Variants in DNER observed in about 807,000 individuals in gnomAD.
DNER encodes the protein delta/notch like EGF repeat containing, also known as delta and Notch-like epidermal growth factor-related receptor.
A neutral mutation model predicts 78.2 loss-of-function variants in DNER; 33 were observed. The observed-to-expected ratio is 0.42, with a 90% CI of 0.32 to 0.56. The LOEUF is 0.56. DNER is among the 20% of genes least tolerant of loss of function. The probability of loss-of-function intolerance (pLI) is 0.11; values close to 1 mark genes in which losing one functional copy is unlikely to be tolerated. For missense variants in DNER, 918 were observed against 975.3 expected (o/e 0.94, Z 0.78); for synonymous variants, 417 against 384.8 (o/e 1.08, Z -0.98).
chr2:229,362,908 T>G (rs1237660451), intron 12 of DNER, among the ~76,000 whole-genome samples: 1 of 152,198 alleles, frequency 6.6e-6, no homozygotes, highest in East Asian at 1.9e-4. Flanking sequence ...AGTCAACCAC[T>G]AAAACAATGC....
chr2:229,584,922 A>C (rs1697471774), intron 4 of DNER, among the ~76,000 whole-genome samples: 1 of 151,936 alleles, frequency 6.6e-6, no homozygotes, highest in African/African-American at 2.4e-5. Context: ...GAAGAAGAAA[A>C]AGAAAAGAAA....
chr2:229,586,306 A>T (rs1697493911), intron 3 of DNER, among the ~76,000 whole-genome samples: 1 of 151,934 alleles, frequency 6.6e-6, no homozygotes. Flanking sequence ...ATCCTTCCAT[A>T]GCCACACAAT....
At chr2:229,453,343 C>G (rs1574849885) in intron 7 of DNER, among the ~76,000 whole-genome samples, 1 of 133,710 alleles carries the variant, frequency 7.5e-6, no homozygotes, top group Non-Finnish European at 1.7e-5. Flanking sequence ...GAGGAGGCTG[C>G]TAGGGGAGGG....
At chr2:229,535,338 G>A (rs1007965885) in intron 5 of DNER, among the ~76,000 whole-genome samples, 3 of 152,154 alleles carry the variant, frequency 2.0e-5, no homozygotes, top group Admixed American at 2.0e-4. Context: ...ACAAATCTTC[G>A]AGTCTATAAC....
chr2:229,560,456 A>G (rs1043112225), intron 4 of DNER, among the ~76,000 whole-genome samples: 3 of 152,168 alleles, frequency 2.0e-5, no homozygotes, highest in African/African-American at 7.2e-5. Context: ...TTGCAATATC[A>G]CAGATTCCAT....
At chr2:229,565,172 C>G (rs1697080860) in intron 4 of DNER, among the ~76,000 whole-genome samples, 1 of 152,154 alleles carries the variant, frequency 6.6e-6, no homozygotes, top group African/African-American at 2.4e-5. Flanking sequence ...TGTTAGAAGT[C>G]TGAGGAAGAG....
chr2:229,466,738 G>C (rs1249519402), intron 7 of DNER, among the ~76,000 whole-genome samples: 1 of 152,154 alleles, frequency 6.6e-6, no homozygotes, highest in Non-Finnish European at 1.5e-5. Flanking sequence ...TCATATGATA[G>C]AAGCAATCAT....
chr2:229,503,342 G>A (rs927215710), intron 6 of DNER, among the ~76,000 whole-genome samples: 3 of 152,180 alleles, frequency 2.0e-5, no homozygotes, highest in African/African-American at 7.2e-5. Flanking sequence ...GACTAGCATT[G>A]TTACCAGCAG....
chr2:229,615,660 A>G (rs1041843551), intron 1 of DNER, among the ~76,000 whole-genome samples: 17 of 152,256 alleles, frequency 1.1e-4, no homozygotes, highest in African/African-American at 3.6e-4. Flanking sequence ...TGCAGTGAGC[A>G]GAGACCGTGC....
intron 7 of DNER, among the ~76,000 whole-genome samples, chr2:229,464,259 C>T (rs1170830784): frequency 6.6e-6 from 1 of 152,158 alleles, no homozygotes; most frequent in Non-Finnish European, 1.5e-5. Context: ...AAATCAATTA[C>T]AAAATCATCA....
intron 6 of DNER, among the ~76,000 whole-genome samples, chr2:229,486,135 G>A (rs1695266617): frequency 6.6e-6 from 1 of 152,076 alleles, no homozygotes; most frequent in Non-Finnish European, 1.5e-5. Flanking sequence ...GTAAACCGGG[G>A]GAATAAATAG....
chr2:229,552,265 C>T (rs973093854), intron 4 of DNER, among the ~76,000 whole-genome samples: 8 of 152,198 alleles, frequency 5.3e-5, no homozygotes, highest in African/African-American at 1.9e-4. Context: ...GTCCTTGAGG[C>T]AGTCCTGAAG....
chr2:229,488,695 G>A (rs759002666), intron 6 of DNER, among the ~76,000 whole-genome samples: 10 of 152,176 alleles, frequency 6.6e-5, no homozygotes, highest in Admixed American at 5.9e-4. Flanking sequence ...AGACTGTGAG[G>A]GCCAACCAAG....
At chr2:229,648,972 G>A (rs192978755) in intron 1 of DNER, among the ~76,000 whole-genome samples, 3 of 152,200 alleles carry the variant, frequency 2.0e-5, no homozygotes, top group South Asian at 2.1e-4. Context: ...GAGTGATAAC[G>A]TGCCTCAGCT....
At chr2:229,612,795 T>C (rs1390078700) in intron 1 of DNER, among the ~76,000 whole-genome samples, 1 of 150,994 alleles carries the variant, frequency 6.6e-6, no homozygotes, top group Non-Finnish European at 1.5e-5. Context: ...AAGGACTCAG[T>C]TATTTACTTT....
intron 10 of DNER, among the ~76,000 whole-genome samples, chr2:229,395,243 C>T (rs568395438): frequency 2.6e-5 from 4 of 152,068 alleles, no homozygotes; most frequent in African/African-American, 7.2e-5. Context: ...GGCACTTGGC[C>T]GAAAATGATT....
At chr2:229,363,282 GC>G (rs1480889222) in intron 12 of DNER, among the ~76,000 whole-genome samples, 1 of 152,224 alleles carries the variant, frequency 6.6e-6, no homozygotes, top group East Asian at 1.9e-4. Context: ...CACTCCATGT[GC>G]CCTGTGTGGC....
At chr2:229,649,698 A>G (rs140414594) in intron 1 of DNER, among the ~76,000 whole-genome samples, 1,613 of 152,266 alleles carry the variant, frequency 0.011, 30 homozygotes, top group African/African-American at 0.037. Context: ...AATTTCCAAC[A>G]CCTGGGGTCA....
intron 1 of DNER, among the ~76,000 whole-genome samples, chr2:229,597,091 GCACACACACATGCACA>G (rs1697733630): frequency 1.6e-5 from 1 of 61,280 alleles, no homozygotes; most frequent in Non-Finnish European, 3.7e-5. Flanking sequence ...GTGCACACAT[GCACACACACATGCACA>G]CACACATGCA....
Sources: gnomAD v4.1 joint callset for allele counts (sites outside exome capture counted in the v4.1 genomes callset) on GRCh38, gnomAD v4.1.1 for gene constraint, MANE v1.5 for transcripts, NCBI Gene and HGNC (gene_info 2026-07-23, HGNC 2026-07-21) for gene names.